TENM3: variants seen among roughly 807,000 people sequenced by gnomAD.
TENM3 encodes the protein teneurin transmembrane protein 3, also known as teneurin-3.
Under a neutral mutation model 255.1 loss-of-function variants are expected in TENM3, and 63 were observed. The observed-to-expected ratio is 0.25, with a 90% CI of 0.20 to 0.30. TENM3 has a LOEUF of 0.30. TENM3 is among the 10% of genes least tolerant of loss of function. TENM3 has a pLI of 1.00. For synonymous variants in TENM3, 1,306 were observed against 1,322.3 expected, an observed-to-expected ratio of 0.99 and a Z score of 0.27; for missense variants, 2,929 against 3,461.1, an observed-to-expected ratio of 0.85 and a Z score of 3.86.
chr4:181,814,656 C>G, the TENM3 span, among the ~76,000 whole-genome samples: 1 of 151,542 alleles, frequency 6.6e-6, no homozygotes, highest in Non-Finnish European at 1.5e-5. Flanking sequence ...GAGAGAAAAG[C>G]CTTAACACAT....
the TENM3 span, among the ~76,000 whole-genome samples, chr4:181,908,647 G>A: frequency 2.0e-5 from 3 of 152,148 alleles, no homozygotes; most frequent in East Asian, 1.9e-4. Context: ...GATGCTAAGA[G>A]AATAAACAAA....
At chr4:182,362,014 G>A (rs1363354289) in intron 3 of TENM3, among the ~76,000 whole-genome samples, 11 of 152,278 alleles carry the variant, frequency 7.2e-5, no homozygotes, top group East Asian at 3.9e-4. Flanking sequence ...TATCAGCAGC[G>A]GTGTCTGCAG....
At chr4:182,540,166 T>C (rs1013173643) in intron 3 of TENM3, among the ~76,000 whole-genome samples, 2 of 152,202 alleles carry the variant, frequency 1.3e-5, no homozygotes, top group Non-Finnish European at 2.9e-5. Flanking sequence ...CATTTTACCT[T>C]CAGGCCTCTA....
chr4:182,619,420 T>A, intron 4 of TENM3, among the ~76,000 whole-genome samples: 1 of 146,020 alleles, frequency 6.8e-6, no homozygotes, highest in Non-Finnish European at 1.5e-5. Flanking sequence ...ACAGAGCAAG[T>A]CTCCATCTCA....
chr4:182,773,136 TATG>T (rs1764399151), intron 22 of TENM3, among the ~76,000 whole-genome samples: 1 of 152,020 alleles, frequency 6.6e-6, no homozygotes, highest in Admixed American at 6.6e-5. Flanking sequence ...TTGTAGAAAA[TATG>T]AAGGAATACT....
intron 3 of TENM3, among the ~76,000 whole-genome samples, chr4:182,466,710 AT>A (rs1732629700): frequency 6.6e-6 from 1 of 151,626 alleles, no homozygotes; most frequent in African/African-American, 2.4e-5. Context: ...ATCTTAACCA[AT>A]TATACGCCAA....
intron 12 of TENM3, among the ~76,000 whole-genome samples, chr4:182,691,701 A>T (rs1187753443): frequency 6.6e-6 from 1 of 152,226 alleles, no homozygotes; most frequent in African/African-American, 2.4e-5. Flanking sequence ...ATGCATGCAG[A>T]TGGAAAATGA....
At chr4:181,961,748 G>A in the TENM3 span, among the ~76,000 whole-genome samples, 1 of 152,034 alleles carries the variant, frequency 6.6e-6, no homozygotes, top group African/African-American at 2.4e-5. Context: ...TTTCTGTAGG[G>A]GTTTCTATAA....
At chr4:182,344,092 T>C (rs1764646779) in intron 2 of TENM3, among the ~76,000 whole-genome samples, 1 of 152,200 alleles carries the variant, frequency 6.6e-6, no homozygotes, top group Non-Finnish European at 1.5e-5. Context: ...TAAGTGATTT[T>C]TTTCATTTAG....
rs70954298 is a variant in TENM3, at chr4:182,186,762, CATATATATATATATATATATATAT to C, written c.-76+42037_-76+42060del. ...TTGGGTAAGAAATATACTAATGCAT[CATATATATATATATATATATATAT>C]ATATATATATATATATATATATATA... On this transcript the variant is annotated intron_variant, in intron 1 of 2. Transcript: ENST00000512480. Among the ~76,000 whole-genome samples the C allele has an allele frequency of 3.1e-3, 84 of 27,506 alleles. 4 individuals carry two copies. Among genetic ancestry groups the C allele is most frequent in the Admixed American group, 5.2e-3 (13 of 2,504 alleles). 18.0% of individuals were successfully genotyped at this position (27,506 alleles called of 152,430 possible).
At chr4:181,507,178 G>T in the TENM3 span, among the ~76,000 whole-genome samples, 1 of 152,124 alleles carries the variant, frequency 6.6e-6, no homozygotes. Context: ...CTCTCAAGTT[G>T]ATTTCACAAC....
the TENM3 span, among the ~76,000 whole-genome samples, chr4:182,042,629 A>T: frequency 6.6e-6 from 1 of 152,232 alleles, no homozygotes; most frequent in Non-Finnish European, 1.5e-5. Context: ...CAAAATAATT[A>T]TAAAATACGA....
Position 182,297,222 on chromosome 4 carries a change from G to A in TENM3, c.-75-26724G>A, listed in dbSNP as rs189693632. On this transcript the variant is annotated intron_variant, in intron 1 of 27. Transcript: ENST00000511685. ...AACTGGGGCCACAGCTGAAAGCCAA[G>A]TCATGTTTATCAGAGACTGGTTCTG... 2.0e-5 allele frequency among the ~76,000 whole-genome samples: 3 copies of A among 152,276 alleles called. No individual in the cohort carries two copies. In the East Asian group the frequency reaches 5.8e-4, roughly 29 times the overall value.
the TENM3 span, among the ~76,000 whole-genome samples, chr4:182,049,474 G>A: frequency 6.6e-6 from 1 of 152,152 alleles, no homozygotes; most frequent in Non-Finnish European, 1.5e-5. Context: ...CAGCAACCTA[G>A]TGTCACCTGG....
chr4:182,193,310 C>G (rs1331022106), intron 1 of TENM3, among the ~76,000 whole-genome samples: 1 of 152,168 alleles, frequency 6.6e-6, no homozygotes, highest in East Asian at 1.9e-4. Flanking sequence ...CCCAGCCTCT[C>G]CTTTGCCCGT....
chr4:181,972,064 A>C, the TENM3 span, among the ~76,000 whole-genome samples: 6 of 152,182 alleles, frequency 3.9e-5, no homozygotes, highest in East Asian at 7.7e-4. Flanking sequence ...AATTGAGATA[A>C]AAGGTATGGG....
intron 13 of TENM3, among the ~76,000 whole-genome samples, chr4:182,715,522 T>G (rs1282030625): frequency 6.6e-6 from 1 of 152,228 alleles, no homozygotes; most frequent in African/African-American, 2.4e-5. Flanking sequence ...GTGAAGTGTG[T>G]AGCATATTGC....
the TENM3 span, among the ~76,000 whole-genome samples, chr4:181,751,220 C>T: frequency 0.035 from 5,252 of 152,076 alleles, 130 homozygotes; most frequent in Middle Eastern, 0.1. Flanking sequence ...AATAGCATTG[C>T]GGGGTTAGGG....
At chr4:181,997,376 G>A in the TENM3 span, among the ~76,000 whole-genome samples, 58 of 152,210 alleles carry the variant, frequency 3.8e-4, no homozygotes, top group South Asian at 2.1e-4. Context: ...TGAGGTGGGC[G>A]AGTATGTACA....
Sources: gnomAD v4.1 joint callset for allele counts (sites outside exome capture counted in the v4.1 genomes callset) on GRCh38, gnomAD v4.1.1 for gene constraint, MANE v1.5 for transcripts, NCBI Gene and HGNC (gene_info 2026-07-23, HGNC 2026-07-21) for gene names.